Variants in DISC1 observed in about 807,000 individuals in gnomAD.
DISC1 encodes the protein DISC1 scaffold protein, also known as disrupted in schizophrenia 1 protein.
In DISC1, 57 loss-of-function variants were observed where a neutral mutation model predicts 84.5. The ratio of observed to expected loss-of-function variants is 0.67; its 90% CI spans 0.55 to 0.84. The LOEUF is 0.84. Among genes scored for constraint, DISC1 ranks in the 40% least tolerant of loss-of-function variants. DISC1 has a pLI of 0.00. For missense variants in DISC1, 1,000 were observed against 1,057.8 expected (o/e 0.95, Z 0.76); for synonymous variants, 411 against 415.2 (o/e 0.99, Z 0.12).
At chr1:231,880,617 GGA>G (rs1336006970) in intron 9 of DISC1, among the ~76,000 whole-genome samples, 1 of 152,132 alleles carries the variant, frequency 6.6e-6, no homozygotes, top group Non-Finnish European at 1.5e-5. Context: ...CCCATTACAT[GGA>G]GACAGCAGGA....
intron 11 of DISC1, among the ~76,000 whole-genome samples, chr1:232,019,437 C>CG (rs1340544573): frequency 6.6e-6 from 1 of 152,180 alleles, no homozygotes; most frequent in Non-Finnish European, 1.5e-5. Context: ...CTTTGAAATG[C>CG]CGAGCAACCT....
intron 11 of DISC1, among the ~76,000 whole-genome samples, chr1:232,010,588 GGCACC>G (rs1247032000): frequency 6.6e-6 from 1 of 152,136 alleles, no homozygotes; most frequent in Non-Finnish European, 1.5e-5. Flanking sequence ...TCTCAGCTGA[GGCACC>G]TATACAGACA....
At chr1:231,971,314 A>T (rs553546127) in intron 10 of DISC1, among the ~76,000 whole-genome samples, 1 of 152,330 alleles carries the variant, frequency 6.6e-6, no homozygotes, top group African/African-American at 2.4e-5. Context: ...ATTGTATGAT[A>T]GTTTAATTTG....
At chr1:231,664,784 G>A (rs1436066095) in intron 1 of DISC1, among the ~76,000 whole-genome samples, 1 of 151,766 alleles carries the variant, frequency 6.6e-6, no homozygotes, top group Non-Finnish European at 1.5e-5. Context: ...AACGACACAG[G>A]TTTGAACTGT....
intron 3 of DISC1, among the ~76,000 whole-genome samples, chr1:231,744,933 A>G (rs1397105050): frequency 6.6e-6 from 1 of 152,196 alleles, no homozygotes; most frequent in East Asian, 1.9e-4. Flanking sequence ...ATGAAAATCA[A>G]TAGTCCAGAG....
intron 9 of DISC1, among the ~76,000 whole-genome samples, chr1:231,896,047 C>G (rs1024585818): frequency 2.0e-5 from 3 of 152,150 alleles, no homozygotes; most frequent in African/African-American, 7.2e-5. Context: ...ATTCCAGAGG[C>G]CAAAAGGCTG....
chr1:231,986,398 A>T (rs915885933), intron 10 of DISC1, among the ~76,000 whole-genome samples: 1 of 136,400 alleles, frequency 7.3e-6, no homozygotes, highest in Non-Finnish European at 1.6e-5. Context: ...TCTTATCTCT[A>T]CTTACGTTCC....
chr1:231,967,985 T>C (rs1485943814), intron 10 of DISC1, among the ~76,000 whole-genome samples: 2 of 152,202 alleles, frequency 1.3e-5, no homozygotes, highest in Non-Finnish European at 1.5e-5. Flanking sequence ...TAGTTCACTA[T>C]TCTAGACACT....
At chr1:231,720,263 C>G (rs928610647) in intron 3 of DISC1, among the ~76,000 whole-genome samples, 1 of 152,124 alleles carries the variant, frequency 6.6e-6, no homozygotes, top group African/African-American at 2.4e-5. Context: ...AGTCTTTTGA[C>G]TTTTCTGTCT....
intron 5 of DISC1, among the ~76,000 whole-genome samples, chr1:231,768,017 G>T (rs981962426): frequency 6.6e-6 from 1 of 152,184 alleles, no homozygotes; most frequent in Non-Finnish European, 1.5e-5. Context: ...TTAGCCGGCT[G>T]CTTGGAAGCC....
intron 10 of DISC1, among the ~76,000 whole-genome samples, chr1:232,004,466 G>A (rs1667088890): frequency 6.6e-6 from 1 of 151,604 alleles, no homozygotes; most frequent in East Asian, 1.9e-4. Flanking sequence ...CATTAAAAAA[G>A]GATTAATTTA....
intron 11 of DISC1, among the ~76,000 whole-genome samples, chr1:232,024,910 T>C (rs187896192): frequency 3.5e-4 from 53 of 152,296 alleles, no homozygotes; most frequent in Admixed American, 2.8e-3. Flanking sequence ...TTTTAGTGTA[T>C]CTTCTAAGCT....
chr1:231,751,684 T>A (rs1451365125), intron 4 of DISC1, among the ~76,000 whole-genome samples: 2 of 152,230 alleles, frequency 1.3e-5, no homozygotes, highest in African/African-American at 4.8e-5. Flanking sequence ...TTCTCTGAAT[T>A]TGACTACTCT....
chr1:231,743,752 G>T (rs989356343), intron 3 of DISC1, among the ~76,000 whole-genome samples: 3 of 152,142 alleles, frequency 2.0e-5, no homozygotes, highest in Admixed American at 6.5e-5. Flanking sequence ...TAATTACTTG[G>T]GACTTGATCT....
intron 6 of DISC1, among the ~76,000 whole-genome samples, chr1:231,785,765 G>C (rs2077803063): frequency 6.6e-6 from 1 of 152,168 alleles, no homozygotes; most frequent in Non-Finnish European, 1.5e-5. Context: ...AGGGTAGAGA[G>C]AAGGCTGTGC....
chr1:231,925,051 G>T (rs1320557438), intron 9 of DISC1, among the ~76,000 whole-genome samples: 2 of 151,670 alleles, frequency 1.3e-5, no homozygotes, highest in African/African-American at 2.4e-5. Flanking sequence ...ATTGCACTGG[G>T]TGTGGCAAGG....
chr1:231,780,140 T>G (rs1347610880), intron 6 of DISC1, among the ~76,000 whole-genome samples: 1 of 150,232 alleles, frequency 6.7e-6, no homozygotes, highest in African/African-American at 2.5e-5. Context: ...TAATGCTAGA[T>G]GACGAGTTAG....
intron 1 of DISC1, among the ~76,000 whole-genome samples, chr1:231,643,603 A>G (rs533504178): frequency 1.5e-4 from 23 of 152,330 alleles, no homozygotes; most frequent in Non-Finnish European, 2.9e-4. Context: ...GCTCAATATT[A>G]TTATTGAGGA....
intron 1 of DISC1, among the ~76,000 whole-genome samples, chr1:231,639,592 C>T (rs2125159542): frequency 6.6e-6 from 1 of 152,226 alleles, no homozygotes; most frequent in South Asian, 2.1e-4. Flanking sequence ...GCTGAGTGGC[C>T]AGGTGGAAAG....
Sources: gnomAD v4.1 joint callset for allele counts (sites outside exome capture counted in the v4.1 genomes callset) on GRCh38, gnomAD v4.1.1 for gene constraint, MANE v1.5 for transcripts, NCBI Gene and HGNC (gene_info 2026-07-23, HGNC 2026-07-21) for gene names.